The following ABAT variants were observed in gnomAD, a reference collection of about 807,000 sequenced individuals.
ABAT encodes the protein 4-aminobutyrate aminotransferase, mitochondrial.
ABAT carries 45 observed loss-of-function variants against 64.6 expected under a neutral mutation model. The observed-to-expected ratio is 0.70, with a 90% CI of 0.55 to 0.89. The LOEUF is 0.89. ABAT is among the 40% of genes least tolerant of loss of function. The pLI is 0.00. For missense variants in ABAT, 633 were observed against 658.4 expected (o/e 0.96, Z 0.42); for synonymous variants, 297 against 250.5 (o/e 1.19, Z -1.75).
At chr16:8,710,768 A>G (rs1215686810) in intron 1 of ABAT, among the ~76,000 whole-genome samples, 2 of 150,056 alleles carry the variant, frequency 1.3e-5, no homozygotes, top group Non-Finnish European at 3.0e-5. Context: ...ACATCTGAGC[A>G]GGAACTAGAA....
intron 5 of ABAT, among the ~76,000 whole-genome samples, chr16:8,754,627 T>A (rs965265808): frequency 3.3e-5 from 5 of 152,056 alleles, no homozygotes; most frequent in Non-Finnish European, 7.4e-5. Flanking sequence ...CTTGATCTCA[T>A]AAGCAGAGAG....
intron 1 of ABAT, among the ~76,000 whole-genome samples, chr16:8,690,707 C>T (rs1402466665): frequency 6.6e-6 from 1 of 152,104 alleles, no homozygotes; most frequent in Non-Finnish European, 1.5e-5. Flanking sequence ...CTTTCTGCAC[C>T]AAGTGGAGTA....
At chr16:8,745,087 A>G (rs1360829132) in intron 2 of ABAT, among the ~76,000 whole-genome samples, 1 of 152,026 alleles carries the variant, frequency 6.6e-6, no homozygotes, top group Non-Finnish European at 1.5e-5. Flanking sequence ...GGCTGAAGCA[A>G]TCCTCCCACC....
intron 9 of ABAT, among the ~76,000 whole-genome samples, chr16:8,767,771 G>C (rs2059987206): frequency 6.6e-6 from 1 of 152,118 alleles, no homozygotes; most frequent in East Asian, 1.9e-4. Flanking sequence ...TGTCTCCCGG[G>C]TTCAAGCGAT....
At chr16:8,682,244 T>C (rs976165503) in intron 1 of ABAT, among the ~76,000 whole-genome samples, 1 of 147,244 alleles carries the variant, frequency 6.8e-6, no homozygotes, top group Non-Finnish European at 1.5e-5. Flanking sequence ...GCATTCAGGA[T>C]GTATTTGTTG....
At chr16:8,751,287 T>C (rs1030122126) in intron 5 of ABAT, among the ~76,000 whole-genome samples, 4 of 151,876 alleles carry the variant, frequency 2.6e-5, no homozygotes, top group Non-Finnish European at 5.9e-5. Flanking sequence ...GGTCTCACTA[T>C]GCGCTGCCCA....
intron 1 of ABAT, among the ~76,000 whole-genome samples, chr16:8,725,869 C>A (rs971503528): frequency 1.3e-5 from 2 of 152,092 alleles, no homozygotes; most frequent in African/African-American, 4.8e-5. Flanking sequence ...CTAATCCCTG[C>A]CTTCTTACTC....
chr16:8,769,329 G>A (rs1445596443), intron 11 of ABAT, among the ~76,000 whole-genome samples: 1 of 152,172 alleles, frequency 6.6e-6, no homozygotes, highest in African/African-American at 2.4e-5. Flanking sequence ...CACTTTGGGA[G>A]GCTGAGACGG....
chr16:8,766,159 C>T (rs754553352), intron 8 of ABAT, 49 bp from the exon 9 acceptor site: 23 of 1,581,146 alleles, frequency 1.5e-5, no homozygotes, highest in Admixed American at 1.3e-4. Context: ...GATGAAGCCC[C>T]GACTACCCCA....
chr16:8,750,556 C>A lies in ABAT; in HGVS notation c.316+17C>A. The A allele has an allele frequency of 6.2e-7, 1 of 1,603,280 alleles. No individual in the cohort carries two copies. Among genetic ancestry groups the A allele is most frequent in the Non-Finnish European group, 8.5e-7 (1 of 1,170,430 alleles). On this transcript the variant is annotated intron_variant, in intron 5 of 15. Transcript: ENST00000268251. ...TCCCCATAGGTAAGAGCTGGGAAAT[C>A]ATTCCTTGGATATAACCTCTGTTTC...
intron 1 of ABAT, among the ~76,000 whole-genome samples, chr16:8,725,969 A>T (rs13337410): frequency 6.6e-6 from 1 of 152,092 alleles, no homozygotes; most frequent in East Asian, 1.9e-4. Flanking sequence ...TCTCATTGAC[A>T]TGCTGAGTGC....
chr16:8,690,020 T>G (rs990902046), intron 1 of ABAT, among the ~76,000 whole-genome samples: 4 of 152,172 alleles, frequency 2.6e-5, no homozygotes, highest in Admixed American at 2.0e-4. Flanking sequence ...AAGAGCCTTT[T>G]CAGCACAACT....
Position 8,766,192 on chromosome 16 carries a change from T to C in ABAT, c.541-16T>C. 1.9e-6 allele frequency: 3 copies of C among 1,613,602 alleles called. No individual in the cohort carries two copies. Among genetic ancestry groups the C allele is most frequent in the Non-Finnish European group, 2.5e-6 (3 of 1,179,614 alleles). On this transcript the variant is annotated splice_polypyrimidine_tract_variant and intron_variant, in intron 8 of 15. Transcript: ENST00000268251. Reference sequence around the variant, plus strand: ...CCAGAGCATCTCTGAGATTTTGTTCTGTTCTATTGTTTCAGAGCAAGGAAA... The same window carrying C: ...CCAGAGCATCTCTGAGATTTTGTTCCGTTCTATTGTTTCAGAGCAAGGAAA...
chr16:8,699,300 T>C (rs1479981372), intron 1 of ABAT, among the ~76,000 whole-genome samples: 1 of 151,830 alleles, frequency 6.6e-6, no homozygotes, highest in African/African-American at 2.4e-5. Context: ...GATTACTTCA[T>C]TTATTTATTT....
chr16:8,712,118 C>G (rs2058091579), intron 1 of ABAT, among the ~76,000 whole-genome samples: 1 of 151,914 alleles, frequency 6.6e-6, no homozygotes, highest in African/African-American at 2.4e-5. Context: ...GTAATCCCAG[C>G]TACTTGGGAG....
rs2060280393 is a variant in ABAT at position 8,776,876 on chromosome 16, T to C, written c.1269+386T>C. ...AGCGCCTGCCGGCACTGGTTATCTT[T>C]CTTATTTATTTTATTTTATTTTATT... is the stretch of plus-strand genomic sequence containing the variant. On this transcript the variant is annotated intron_variant, in intron 14 of 15. Coordinates refer to ENST00000268251, the MANE Select transcript of ABAT (RefSeq NM_020686.6). This position sits in a 1 kb window ranked among gnomAD's most constrained non-coding sequence, Gnocchi z 4.4. Among the ~76,000 whole-genome samples the C allele has an allele frequency of 6.6e-6, 1 of 151,172 alleles. No homozygotes were observed. The highest frequency in any genetic ancestry group is 2.4e-5 in the African/African-American group (1 of 41,098).
At chr16:8,765,678 A>T (rs1328053910) in intron 8 of ABAT, 3 of 152,480 alleles carry the variant, frequency 2.0e-5, no homozygotes, top group African/African-American at 7.4e-5. Context: ...ACCCTGTAAA[A>T]AAACAAAAAC....
chr16:8,734,445 C>A (rs540661235), intron 1 of ABAT, among the ~76,000 whole-genome samples: 3 of 152,240 alleles, frequency 2.0e-5, no homozygotes, highest in Admixed American at 6.5e-5. Flanking sequence ...CTAAGTGTTG[C>A]GTGACTGTGA....
chr16:8,778,803 C>A (rs1406411418), intron 14 of ABAT, among the ~76,000 whole-genome samples: 6 of 151,086 alleles, frequency 4.0e-5, no homozygotes, highest in African/African-American at 1.2e-4. Context: ...AAACAAAAAA[C>A]AGTCATTGCA....
Sources: allele counts gnomAD v4.1 joint callset (sites outside exome capture counted in the v4.1 genomes callset), GRCh38; gene constraint gnomAD v4.1.1; non-coding constraint Gnocchi (gnomAD v3.1); transcripts MANE v1.5; gene names NCBI Gene and HGNC (gene_info 2026-07-23, HGNC 2026-07-21).